Variants in IL16 observed in about 807,000 individuals in gnomAD.
The protein encoded by IL16 is interleukin 16, also known as pro-interleukin-16.
A neutral mutation model predicts 110.1 loss-of-function variants in IL16; 67 were observed. The observed-to-expected ratio is 0.61, with a 90% CI of 0.50 to 0.75. The LOEUF (loss-of-function observed/expected upper bound fraction) is 0.75. Among genes scored for constraint, IL16 ranks in the 30% least tolerant of loss-of-function variants. The pLI is 0.00. For missense variants in IL16, 1,545 were observed against 1,655.0 expected, an observed-to-expected ratio of 0.93 and a Z score of 1.15; for synonymous variants, 689 against 662.9, an observed-to-expected ratio of 1.04 and a Z score of -0.61.
intron 10 of IL16, among the ~76,000 whole-genome samples, chr15:81,287,543 T>C (rs1471951017): frequency 6.6e-6 from 1 of 152,196 alleles, no homozygotes; most frequent in Non-Finnish European, 1.5e-5. Context: ...CCCACACAAC[T>C]GCATTTAGTT....
chr15:81,242,653 C>G, intron 2 of IL16, among the ~76,000 whole-genome samples: 1 of 152,154 alleles, frequency 6.6e-6, no homozygotes. Context: ...ACAACATCAT[C>G]AACAAACAAG....
At chr15:81,287,524 A>G (rs1420478460) in intron 10 of IL16, among the ~76,000 whole-genome samples, 1 of 152,194 alleles carries the variant, frequency 6.6e-6, no homozygotes, top group Non-Finnish European at 1.5e-5. Flanking sequence ...ATGTTTTTCA[A>G]AGATGTGACC....
At chr15:81,212,181 G>T (rs1896273195) in intron 1 of IL16, among the ~76,000 whole-genome samples, 1 of 151,480 alleles carries the variant, frequency 6.6e-6, no homozygotes, top group African/African-American at 2.4e-5. Flanking sequence ...TTCAGTGCTT[G>T]ATATTGGTCT....
intron 1 of IL16, among the ~76,000 whole-genome samples, chr15:81,218,539 C>T (rs1215622981): frequency 6.6e-6 from 1 of 152,106 alleles, no homozygotes; most frequent in East Asian, 1.9e-4. Flanking sequence ...CTATTTTGTT[C>T]CTGCAAATAG....
At chr15:81,283,347 CA>C (rs377495154) in intron 9 of IL16, among the ~76,000 whole-genome samples, 54 of 145,038 alleles carry the variant, frequency 3.7e-4, no homozygotes, top group African/African-American at 6.3e-4. Flanking sequence ...ACAGGTGCCT[CA>C]AAAAAAAAAC....
At chr15:81,196,871 G>A, upstream of IL16, 2 of 1,156,680 alleles carry the variant, frequency 1.7e-6, no homozygotes, top group Non-Finnish European at 2.2e-6. Flanking sequence ...ATCCATGCCA[G>A]GTGGGACACA....
At chr15:81,207,593 C>T (rs1420810707) in intron 1 of IL16, among the ~76,000 whole-genome samples, 2 of 150,488 alleles carry the variant, frequency 1.3e-5, no homozygotes, top group African/African-American at 4.9e-5. Flanking sequence ...ATCTTTAGCT[C>T]CTACTTACAA....
chr15:81,217,818 A>G (rs1896483590), intron 1 of IL16, among the ~76,000 whole-genome samples: 1 of 152,192 alleles, frequency 6.6e-6, no homozygotes, highest in African/African-American at 2.4e-5. Context: ...GCATTTAATA[A>G]ACAACCACCC....
chr15:81,191,789 T>A (rs760292235), intron 1 of IL16, among the ~76,000 whole-genome samples: 1 of 152,008 alleles, frequency 6.6e-6, no homozygotes, highest in African/African-American at 2.4e-5. Flanking sequence ...GCAGAAGTCT[T>A]AGGGTGACAA....
intron 6 of IL16, 92 bp from the exon 7 acceptor site, chr15:81,278,725 C>T (rs1899026143): frequency 4.7e-6 from 4 of 849,938 alleles, no homozygotes; most frequent in Non-Finnish European, 8.1e-6. Flanking sequence ...ATACAAAAAG[C>T]CGGGCAGTTG....
intron 18 of IL16, chr15:81,306,985 A>G (rs188806584): frequency 7.1e-6 from 2 of 282,302 alleles, no homozygotes; most frequent in South Asian, 3.4e-5. Context: ...CTGACTTTGT[A>G]CTGCACACTT....
rs567261462 is a variant in IL16, at chr15:81,309,113, C to T, written c.*315C>T. 2.2e-5 allele frequency: 6 copies of T among 267,324 alleles called. No homozygotes were observed. Among genetic ancestry groups the T allele is most frequent in the Admixed American group, 2.1e-4 (4 of 18,860 alleles). 16.6% of individuals were successfully genotyped at this position (267,324 alleles called of 1,614,324 possible). The stretch of plus-strand genomic sequence containing the variant: ...TTCATATGACATTCATGCCTGGCTT[C>T]GCAAAATGTTTCAAGTACTGTAACT... On this transcript the variant is annotated 3_prime_UTR_variant, in exon 19 of 19. Transcript: ENST00000683961.
At chr15:81,301,205 A>G in intron 14 of IL16, 139 bp from the exon 15 acceptor site, 2 of 634,270 alleles carry the variant, frequency 3.2e-6, no homozygotes, top group Non-Finnish European at 5.4e-6. Context: ...GTATGCTAGT[A>G]TCTACTCATA....
At chr15:81,299,257 C>T (rs1455930208) in intron 13 of IL16, 123 bp from the exon 14 acceptor site, 2 of 1,549,794 alleles carry the variant, frequency 1.3e-6, no homozygotes, top group Non-Finnish European at 1.8e-6. Flanking sequence ...CCTGGGTGTC[C>T]CCCACTTCTG....
chr15:81,229,726 C>G (rs1003131564), intron 2 of IL16, among the ~76,000 whole-genome samples: 1 of 152,160 alleles, frequency 6.6e-6, no homozygotes, highest in African/African-American at 2.4e-5. Context: ...ACTCACTTCT[C>G]CCTTCTCACA....
upstream of IL16, among the ~76,000 whole-genome samples, chr15:81,193,125 G>A (rs956309734): frequency 6.6e-6 from 1 of 152,140 alleles, no homozygotes; most frequent in Non-Finnish European, 1.5e-5. Context: ...ACAGACCTGC[G>A]AGATGAACCC....
chr15:81,297,135 A>T, intron 13 of IL16, 57 bp downstream of exon 13: 1 of 1,549,570 alleles, frequency 6.5e-7, no homozygotes, highest in South Asian at 1.2e-5. Flanking sequence ...AGGTGCAGGG[A>T]TAAGATAAGA....
intron 15 of IL16, among the ~76,000 whole-genome samples, chr15:81,302,826 T>G (rs1900354392): frequency 6.6e-6 from 1 of 152,224 alleles, no homozygotes. Context: ...GAGCTGACCC[T>G]TTGAGCAGAT....
intron 1 of IL16, among the ~76,000 whole-genome samples, chr15:81,211,145 A>G (rs28825174): frequency 0.39 from 58,983 of 151,334 alleles, 14,350 homozygotes; most frequent in East Asian, 0.71. Flanking sequence ...CTGCAGCCTC[A>G]ACATTCTGGG....
Sources: allele counts gnomAD v4.1 joint callset (sites outside exome capture counted in the v4.1 genomes callset), GRCh38; gene constraint gnomAD v4.1.1; transcripts MANE v1.5; gene names NCBI Gene and HGNC (gene_info 2026-07-23, HGNC 2026-07-21).